FTCDNL1: variants seen among roughly 807,000 people sequenced by gnomAD.
The protein encoded by FTCDNL1 is formiminotransferase N-terminal subdomain-containing protein.
In FTCDNL1, 11 loss-of-function variants were observed where a neutral mutation model predicts 5.9. The ratio of observed to expected loss-of-function variants is 1.87; its 90% CI spans 1.18 to 3.10. The LOEUF is 3.10. Among genes scored for constraint, FTCDNL1 ranks in the 30% most tolerant of loss-of-function variants. FTCDNL1 has a pLI of 0.00. For synonymous variants in FTCDNL1, 58 were observed against 24.8 expected (o/e 2.34, Z -3.99); for missense variants, 115 against 65.5 (o/e 1.76, Z -2.61).
chr2:199,775,225 C>A (rs977738470), intron 3 of FTCDNL1, among the ~76,000 whole-genome samples: 1 of 152,142 alleles, frequency 6.6e-6, no homozygotes, highest in African/African-American at 2.4e-5. Flanking sequence ...TTTTGGAGAA[C>A]GTTTATTAGA....
chr2:199,781,793 G>A (rs1010146493), intron 3 of FTCDNL1, among the ~76,000 whole-genome samples: 1 of 127,980 alleles, frequency 7.8e-6, no homozygotes, highest in Middle Eastern at 4.1e-3. Flanking sequence ...TTGTTTGTTT[G>A]TTTTGAGAAG....
At chr2:199,740,780 G>A in the FTCDNL1 span, among the ~76,000 whole-genome samples, 1 of 152,244 alleles carries the variant, frequency 6.6e-6, no homozygotes, top group South Asian at 2.1e-4. Flanking sequence ...ACATTCACAC[G>A]AAAGGGAGGT....
At chr2:199,780,460 G>A (rs1699309090) in intron 3 of FTCDNL1, among the ~76,000 whole-genome samples, 1 of 152,104 alleles carries the variant, frequency 6.6e-6, no homozygotes, top group South Asian at 2.1e-4. Context: ...AACAAGTTCT[G>A]GGATCAGTTT....
intron 4 of FTCDNL1, among the ~76,000 whole-genome samples, chr2:199,817,589 A>G (rs116312423): frequency 1.9e-3 from 290 of 152,184 alleles, no homozygotes; most frequent in Middle Eastern, 6.8e-3. Flanking sequence ...GAGTTTTGAG[A>G]CCAGCCTGGG....
At chr2:199,709,761 C>G in the FTCDNL1 span, among the ~76,000 whole-genome samples, 1 of 151,820 alleles carries the variant, frequency 6.6e-6, no homozygotes, top group Non-Finnish European at 1.5e-5. Flanking sequence ...GTTTTGCTGA[C>G]GAGGGAGCAA....
chr2:199,745,004 C>A, the FTCDNL1 span, among the ~76,000 whole-genome samples: 5 of 152,222 alleles, frequency 3.3e-5, no homozygotes, highest in Non-Finnish European at 7.3e-5. Flanking sequence ...GACGCATCAT[C>A]CTGTGTCCAC....
At chr2:199,693,996 T>C in the FTCDNL1 span, among the ~76,000 whole-genome samples, 1 of 152,190 alleles carries the variant, frequency 6.6e-6, no homozygotes. Context: ...AACTGGTGCT[T>C]TGTAGATTGG....
At chr2:199,666,892 C>G in the FTCDNL1 span, among the ~76,000 whole-genome samples, 1 of 146,032 alleles carries the variant, frequency 6.8e-6, no homozygotes, top group Non-Finnish European at 1.5e-5. Context: ...GGCTGGGCAA[C>G]AGAGCAAGAG....
chr2:199,744,657 C>A, the FTCDNL1 span, among the ~76,000 whole-genome samples: 1 of 152,166 alleles, frequency 6.6e-6, no homozygotes, highest in African/African-American at 2.4e-5. Context: ...CAGCCAGAGC[C>A]GGCTAACACA....
At chr2:199,781,929 G>A (rs1042963244) in intron 3 of FTCDNL1, among the ~76,000 whole-genome samples, 4 of 151,970 alleles carry the variant, frequency 2.6e-5, no homozygotes, top group Admixed American at 6.5e-5. Context: ...ACAGGCGCCC[G>A]CCACCACACC....
chr2:199,775,884 G>C (rs576620745), intron 3 of FTCDNL1, among the ~76,000 whole-genome samples: 4 of 151,012 alleles, frequency 2.6e-5, no homozygotes, highest in African/African-American at 9.7e-5. Context: ...CCGGGGCTCA[G>C]AGCAGGCTGG....
the FTCDNL1 span, among the ~76,000 whole-genome samples, chr2:199,739,253 G>A: frequency 1.3e-5 from 2 of 151,992 alleles, no homozygotes; most frequent in Non-Finnish European, 2.9e-5. Context: ...GGCCACTGGA[G>A]AGGAGATAGC....
At chr2:199,773,921 A>G (rs1698935004) in intron 3 of FTCDNL1, among the ~76,000 whole-genome samples, 1 of 152,212 alleles carries the variant, frequency 6.6e-6, no homozygotes, top group African/African-American at 2.4e-5. Flanking sequence ...TCCCTGGCTT[A>G]CAGAGAAAGC....
chr2:199,679,788 C>A, the FTCDNL1 span, among the ~76,000 whole-genome samples: 1 of 152,002 alleles, frequency 6.6e-6, no homozygotes, highest in East Asian at 1.9e-4. Context: ...TCCTTTCCTG[C>A]ATTTGATATG....
intron 3 of FTCDNL1, among the ~76,000 whole-genome samples, chr2:199,830,301 G>A (rs181580495): frequency 8.5e-5 from 13 of 152,166 alleles, no homozygotes; most frequent in South Asian, 8.3e-4. Context: ...GATTAATCTC[G>A]CTACAGTATG....
At chr2:199,768,891 C>T (rs533123347) in intron 3 of FTCDNL1, among the ~76,000 whole-genome samples, 9 of 152,196 alleles carry the variant, frequency 5.9e-5, no homozygotes, top group Non-Finnish European at 7.4e-5. Context: ...ACAAAGGAAA[C>T]GTTTGGATGG....
chr2:199,757,382 G>A (rs1055782855), downstream of FTCDNL1, among the ~76,000 whole-genome samples: 2 of 152,198 alleles, frequency 1.3e-5, no homozygotes, highest in Non-Finnish European at 2.9e-5. Flanking sequence ...CAGTCTTGGA[G>A]AGATGACACC....
At chr2:199,718,994 G>A in the FTCDNL1 span, among the ~76,000 whole-genome samples, 4 of 151,828 alleles carry the variant, frequency 2.6e-5, no homozygotes, top group Non-Finnish European at 5.9e-5. Flanking sequence ...CCATTCTGTA[G>A]GTTGTTTACT....
rs143970785 is a variant in FTCDNL1, at chr2:199,811,757, T to C, written c.*948A>G. On this transcript the variant is annotated 3_prime_UTR_variant, in exon 5 of 5. Coordinates refer to ENST00000420128, the MANE Select transcript of FTCDNL1 (RefSeq NM_001363886.2). ...CCTCTTCCATTGCATGTCTAATAAC[T>C]TCCCCCTGTTAGTAGAATTTCCAAA... Among the ~76,000 whole-genome samples the C allele has an allele frequency of 1.2e-4, 19 of 152,288 alleles. No individual in the cohort carries two copies. The highest frequency in any genetic ancestry group is 2.0e-4 in the Admixed American group (3 of 15,302).
Sources: allele counts gnomAD v4.1 joint callset (sites outside exome capture counted in the v4.1 genomes callset), GRCh38; gene constraint gnomAD v4.1.1; transcripts MANE v1.5; gene names NCBI Gene and HGNC (gene_info 2026-07-23, HGNC 2026-07-21).